The following EPB41 variants were observed in gnomAD, a reference collection of about 807,000 sequenced individuals.
EPB41 encodes the protein erythrocyte membrane protein band 4.1, also known as protein 4.1.
A neutral mutation model predicts 108.0 loss-of-function variants in EPB41; 65 were observed. The observed-to-expected ratio is 0.60, with a 90% confidence interval of 0.49 to 0.74. The LOEUF is 0.74. EPB41 is among the 30% of genes least tolerant of loss of function. The pLI, the probability that EPB41 is intolerant of heterozygous loss-of-function variation, is 0.00. For missense variants in EPB41, 875 were observed against 1,037.0 expected, an observed-to-expected ratio of 0.84 and a Z score of 2.15; for synonymous variants, 336 against 358.9, an observed-to-expected ratio of 0.94 and a Z score of 0.72.
chr1:29,096,153 A>C (rs1371677177), intron 16 of EPB41: 4 of 985,682 alleles, frequency 4.1e-6, no homozygotes, highest in Non-Finnish European at 4.8e-6. Context: ...ATTCATTTGT[A>C]GAGTATAAAT....
At chr1:28,907,240 T>G (rs918943264) in intron 1 of EPB41, among the ~76,000 whole-genome samples, 2 of 151,932 alleles carry the variant, frequency 1.3e-5, no homozygotes, top group Admixed American at 1.3e-4. Context: ...GATATTTGTA[T>G]TTTTAGTAGA....
chr1:29,110,315 A>G (rs1668740388), intron 18 of EPB41, among the ~76,000 whole-genome samples: 1 of 152,356 alleles, frequency 6.6e-6, no homozygotes, highest in South Asian at 2.1e-4. Context: ...ACTGCACTCC[A>G]GCCTGAGTGA....
At chr1:29,066,535 A>G (rs987226676) in intron 16 of EPB41, among the ~76,000 whole-genome samples, 2 of 152,256 alleles carry the variant, frequency 1.3e-5, no homozygotes, top group South Asian at 2.1e-4. Flanking sequence ...ATCTTTAGTC[A>G]GTACAAGTGA....
At chr1:29,043,473 T>TA (rs1642249246) in intron 11 of EPB41, among the ~76,000 whole-genome samples, 1 of 152,240 alleles carries the variant, frequency 6.6e-6, no homozygotes, top group Non-Finnish European at 1.5e-5. Flanking sequence ...CAGCAGCCAA[T>TA]AGCTGCTAAG....
At chr1:28,984,306 A>G (rs1422177646) in intron 1 of EPB41, among the ~76,000 whole-genome samples, 3 of 152,198 alleles carry the variant, frequency 2.0e-5, no homozygotes, top group Non-Finnish European at 4.4e-5. Context: ...GTTTGAGGGT[A>G]GGGTTTCGTC....
chr1:28,921,789 CT>C (rs2093091800), intron 1 of EPB41, among the ~76,000 whole-genome samples: 1 of 151,388 alleles, frequency 6.6e-6, no homozygotes. Context: ...TGAAAATGAG[CT>C]CTTTGTGAGG....
intron 1 of EPB41, chr1:28,982,219 T>C (rs1301067869): frequency 9.8e-6 from 4 of 406,162 alleles, no homozygotes; most frequent in Non-Finnish European, 1.9e-5. Flanking sequence ...ACAAAGGACA[T>C]GAACTCATCA....
intron 2 of EPB41, chr1:28,989,363 A>G (rs2095951926): frequency 1.0e-6 from 1 of 971,572 alleles, no homozygotes; most frequent in Non-Finnish European, 1.2e-6. Flanking sequence ...CAGCCTCACC[A>G]TTACAATTAA....
intron 1 of EPB41, 101 bp downstream of exon 1, chr1:28,914,869 TTGTC>T (rs2092478894): frequency 6.6e-6 from 1 of 152,010 alleles, no homozygotes; most frequent in Admixed American, 6.6e-5. Context: ...TGCAGCCTCT[TTGTC>T]TGCAACCCCC....
At chr1:28,971,698 G>A (rs974504832) in intron 1 of EPB41, among the ~76,000 whole-genome samples, 1 of 152,130 alleles carries the variant, frequency 6.6e-6, no homozygotes, top group Non-Finnish European at 1.5e-5. Context: ...ACAGTATTCA[G>A]ATATCTTTCT....
chr1:28,989,357 C>T (rs990637294), intron 2 of EPB41: 1 of 965,948 alleles, frequency 1.0e-6, no homozygotes, highest in South Asian at 4.8e-5. Context: ...TATTTTCAGC[C>T]TCACCATTAC....
At chr1:29,014,352 C>T (rs1246156821) in intron 5 of EPB41, among the ~76,000 whole-genome samples, 1 of 151,730 alleles carries the variant, frequency 6.6e-6, no homozygotes, top group Non-Finnish European at 1.5e-5. Flanking sequence ...ATAAAAATTA[C>T]AAGTATGTTA....
intron 10 of EPB41, among the ~76,000 whole-genome samples, chr1:29,036,527 C>T (rs1033360911): frequency 6.6e-6 from 1 of 152,074 alleles, no homozygotes; most frequent in African/African-American, 2.4e-5. Context: ...TCCCAATGTG[C>T]TGGGATTACA....
chr1:28,954,269 G>A (rs1219188557), intron 1 of EPB41, among the ~76,000 whole-genome samples: 4 of 152,148 alleles, frequency 2.6e-5, no homozygotes, highest in Non-Finnish European at 5.9e-5. Context: ...TATCATTGTT[G>A]TAGAGGGCAA....
chr1:28,958,138 C>T (rs2095035271), intron 1 of EPB41, among the ~76,000 whole-genome samples: 1 of 152,088 alleles, frequency 6.6e-6, no homozygotes, highest in African/African-American at 2.4e-5. Context: ...AAAGAAGCTT[C>T]AACAGATATT....
At chr1:29,109,771 CA>C in intron 18 of EPB41, 1 of 372,118 alleles carries the variant, frequency 2.7e-6, no homozygotes. Context: ...TGGTGGCCCA[CA>C]CCTGTAATCC....
chr1:29,002,373 G>A (rs1256272181), intron 4 of EPB41, among the ~76,000 whole-genome samples: 2 of 151,842 alleles, frequency 1.3e-5, no homozygotes, highest in East Asian at 3.9e-4. Flanking sequence ...GATAACCTGA[G>A]CCTGGGAAGG....
At chr1:29,060,568 C>A in intron 15 of EPB41, 84 bp downstream of exon 15, 1 of 1,300,148 alleles carries the variant, frequency 7.7e-7, no homozygotes, top group Non-Finnish European at 1.1e-6. Flanking sequence ...TCATTCTGTG[C>A]TGCATTTGGT....
At chr1:28,975,893 A>G (rs2095593639) in intron 1 of EPB41, among the ~76,000 whole-genome samples, 1 of 141,168 alleles carries the variant, frequency 7.1e-6, no homozygotes, top group African/African-American at 2.7e-5. Flanking sequence ...GTGAGCTGAG[A>G]TCCCGCCACT....
Sources: gnomAD v4.1 joint callset for allele counts (sites outside exome capture counted in the v4.1 genomes callset) on GRCh38, gnomAD v4.1.1 for gene constraint, MANE v1.5 for transcripts, NCBI Gene and HGNC (gene_info 2026-07-23, HGNC 2026-07-21) for gene names.